The following MDGA2 variants were observed in gnomAD, a reference collection of about 807,000 sequenced individuals.
The protein encoded by MDGA2 is MAM domain containing glycosylphosphatidylinositol anchor 2.
Under a neutral mutation model 117.8 loss-of-function variants are expected in MDGA2, and 40 were observed. The observed-to-expected ratio is 0.34, with a 90% CI of 0.26 to 0.44. The LOEUF is 0.44. Ranked by LOEUF, MDGA2 falls within the 20% of genes least tolerant of loss-of-function variation. MDGA2 has a pLI of 1.00. For synonymous variants in MDGA2, 452 were observed against 439.0 expected (o/e 1.03, Z -0.37); for missense variants, 1,123 against 1,250.6 (o/e 0.90, Z 1.54).
intron 8 of MDGA2, among the ~76,000 whole-genome samples, chr14:46,998,648 A>C (rs1887389974): frequency 6.6e-6 from 1 of 152,150 alleles, no homozygotes; most frequent in Non-Finnish European, 1.5e-5. Flanking sequence ...TATTCTTTGC[A>C]AAATAAAAAT....
chr14:47,563,058 G>C (rs1173832452), intron 1 of MDGA2, among the ~76,000 whole-genome samples: 1 of 151,842 alleles, frequency 6.6e-6, no homozygotes, highest in Non-Finnish European at 1.5e-5. Context: ...CATTTTTTTA[G>C]TATCAATTTC....
intron 1 of MDGA2, among the ~76,000 whole-genome samples, chr14:47,474,255 C>G (rs932895410): frequency 6.6e-6 from 1 of 151,980 alleles, no homozygotes; most frequent in Non-Finnish European, 1.5e-5. Flanking sequence ...GAATAAAATA[C>G]CTAGGAATAC....
Position 47,674,873 on chromosome 14 carries a change from C to A in MDGA2, c.-77G>T. The A allele has an allele frequency of 1.8e-6, 1 of 555,722 alleles. No homozygotes were observed. Among genetic ancestry groups the A allele is most frequent in the Non-Finnish European group, 3.1e-6 (1 of 319,118 alleles). The allele number at this position is 555,722 out of a possible 1,614,324, so 34.4% of individuals were successfully genotyped here. On this transcript the variant is annotated 5_prime_UTR_variant, in exon 1 of 17. Transcript: ENST00000399232. ...GACACACACTCACACGCACGCCGCA[C>A]TCACACCGGGTGCCTGGGAAAATCG...
At chr14:47,409,074 C>T (rs1018197094) in intron 1 of MDGA2, among the ~76,000 whole-genome samples, 8 of 152,056 alleles carry the variant, frequency 5.3e-5, no homozygotes, top group Non-Finnish European at 7.4e-5. Context: ...ACCAGAAAGG[C>T]GGGGGGGACT....
chr14:47,424,940 G>A (rs902038479), intron 1 of MDGA2, among the ~76,000 whole-genome samples: 1 of 152,168 alleles, frequency 6.6e-6, no homozygotes, highest in Non-Finnish European at 1.5e-5. Flanking sequence ...TACGTTGCAG[G>A]AGAAGGCAAT....
intron 8 of MDGA2, among the ~76,000 whole-genome samples, chr14:46,959,742 ACT>A (rs926095870): frequency 1.3e-5 from 2 of 151,680 alleles, no homozygotes; most frequent in African/African-American, 2.4e-5. Context: ...AGATTTATTT[ACT>A]CTGTTTCTAC....
intron 8 of MDGA2, among the ~76,000 whole-genome samples, chr14:46,985,718 A>G (rs1886835546): frequency 6.6e-6 from 1 of 152,114 alleles, no homozygotes; most frequent in Non-Finnish European, 1.5e-5. Context: ...TGAGTTGCAC[A>G]TTCAGGACGG....
chr14:47,584,424 T>C (rs1896285350), intron 1 of MDGA2, among the ~76,000 whole-genome samples: 1 of 151,902 alleles, frequency 6.6e-6, no homozygotes, highest in African/African-American at 2.4e-5. Flanking sequence ...TTTTGTTATG[T>C]AGATATAATT....
At chr14:47,223,841 A>G (rs1433548653) in intron 2 of MDGA2, among the ~76,000 whole-genome samples, 1 of 152,206 alleles carries the variant, frequency 6.6e-6, no homozygotes, top group Non-Finnish European at 1.5e-5. Flanking sequence ...GAAAATTACA[A>G]TCATGGGGGA....
intron 8 of MDGA2, among the ~76,000 whole-genome samples, chr14:47,000,747 A>C (rs1042105516): frequency 1.3e-5 from 2 of 151,752 alleles, no homozygotes; most frequent in African/African-American, 4.8e-5. Context: ...TAGATTCATA[A>C]TCGTGGTGTT....
chr14:46,848,735 T>C (rs1880942809), intron 15 of MDGA2, among the ~76,000 whole-genome samples: 1 of 151,566 alleles, frequency 6.6e-6, no homozygotes. Flanking sequence ...CGGGAAACCA[T>C]CTGTAGTAAA....
chr14:47,152,212 G>T (rs1883189131), intron 3 of MDGA2, among the ~76,000 whole-genome samples: 1 of 152,064 alleles, frequency 6.6e-6, no homozygotes, highest in South Asian at 2.1e-4. Context: ...TGATGTAATG[G>T]TAAGAGAAAT....
chr14:47,415,527 T>G (rs1377267506), intron 1 of MDGA2, among the ~76,000 whole-genome samples: 3 of 152,176 alleles, frequency 2.0e-5, no homozygotes, highest in Non-Finnish European at 2.9e-5. Context: ...TTACTATTAT[T>G]GTTAATCTCT....
intron 9 of MDGA2, among the ~76,000 whole-genome samples, chr14:46,932,937 G>C (rs1884635207): frequency 6.6e-6 from 1 of 151,626 alleles, no homozygotes; most frequent in Admixed American, 6.6e-5. Flanking sequence ...TAAGCAATAA[G>C]ATAAACAAAG....
intron 7 of MDGA2, chr14:47,059,220 G>T: frequency 1.1e-6 from 1 of 932,702 alleles, no homozygotes; most frequent in Non-Finnish European, 1.5e-6. Flanking sequence ...TATTGTTTCG[G>T]CTATTGAGAT....
chr14:47,575,697 G>A (rs1470433111), intron 1 of MDGA2, among the ~76,000 whole-genome samples: 1 of 152,072 alleles, frequency 6.6e-6, no homozygotes, highest in East Asian at 1.9e-4. Flanking sequence ...CTTTCCCTTG[G>A]TACTTTAAAT....
In MDGA2 at chr14:47,172,260, T is replaced by G. The variant is rs530992568; in HGVS notation, c.596-27986A>C. On this transcript the variant is annotated intron_variant, in intron 3 of 16. Coordinates refer to ENST00000399232, the MANE Select transcript of MDGA2 (RefSeq NM_001113498.3). ...AAGACAGCAGTAACCTCTGCAGACTTAACTGTCCCTGTCCGACAGCTTTGA... is the reference window on the plus strand; with the variant it reads ...AAGACAGCAGTAACCTCTGCAGACTGAACTGTCCCTGTCCGACAGCTTTGA... Among the ~76,000 whole-genome samples, 36 of 152,106 alleles carry G rather than the reference T, an allele frequency of 2.4e-4. No homozygotes were observed. In the South Asian group the frequency reaches 3.5e-3, roughly 15 times the overall value.
chr14:47,188,143 C>T (rs936099618), intron 3 of MDGA2, among the ~76,000 whole-genome samples: 3 of 152,032 alleles, frequency 2.0e-5, no homozygotes, highest in African/African-American at 7.2e-5. Context: ...AAAGTAGCTC[C>T]TAAAACAAAA....
Position 47,565,967 on chromosome 14 carries a change from G to A in MDGA2, c.280+108550C>T, listed in dbSNP as rs566759238. ...TGGTGTTGCTGGTGTCTGTGCATGT[G>A]TTTGCGCCAGCAATGGCAGCATCGT... On this transcript the variant is annotated intron_variant, in intron 1 of 16. Coordinates refer to ENST00000399232, the MANE Select transcript of MDGA2 (RefSeq NM_001113498.3). Among the ~76,000 whole-genome samples the A allele has an allele frequency of 7.0e-4, 106 of 152,344 alleles. 2 individuals are homozygous for A. Among genetic ancestry groups the A allele is most frequent in the Admixed American group, 6.8e-3 (104 of 15,310 alleles).
Sources: allele counts gnomAD v4.1 joint callset (sites outside exome capture counted in the v4.1 genomes callset), GRCh38; gene constraint gnomAD v4.1.1; transcripts MANE v1.5; gene names NCBI Gene and HGNC (gene_info 2026-07-23, HGNC 2026-07-21).